Variants in APOBEC1 observed in about 807,000 individuals in gnomAD.
APOBEC1 encodes the protein apolipoprotein B mRNA editing enzyme catalytic subunit 1.
A neutral mutation model predicts 26.3 loss-of-function variants in APOBEC1; 22 were observed. The ratio of observed to expected loss-of-function variants is 0.84; its 90% CI spans 0.60 to 1.19. The LOEUF (loss-of-function observed/expected upper bound fraction) is 1.19. Ranked by LOEUF, APOBEC1 falls within the 50% of genes most tolerant of loss-of-function variation. The pLI, the probability that APOBEC1 is intolerant of heterozygous loss-of-function variation, is 0.00. For synonymous variants in APOBEC1, 77 were observed against 95.3 expected, an observed-to-expected ratio of 0.81 and a Z score of 1.12; for missense variants, 253 against 289.0, an observed-to-expected ratio of 0.88 and a Z score of 0.90.
chr12:7,667,194 G>A (rs968698661), upstream of APOBEC1, among the ~76,000 whole-genome samples: 6 of 152,066 alleles, frequency 3.9e-5, no homozygotes, highest in East Asian at 3.9e-4. Flanking sequence ...TTACAGGCGT[G>A]AGCCACCTCT....
intron 4 of APOBEC1, 100 bp downstream of exon 4, chr12:7,650,923 A>G: frequency 1.2e-6 from 1 of 828,880 alleles, no homozygotes; most frequent in South Asian, 1.6e-5. Flanking sequence ...ATCTCAATAT[A>G]AATGTCAAAA....
At chr12:7,663,477 G>A (rs529890809) in intron 1 of APOBEC1, among the ~76,000 whole-genome samples, 1 of 152,086 alleles carries the variant, frequency 6.6e-6, no homozygotes, top group Non-Finnish European at 1.5e-5. Context: ...AAGGAGGAAG[G>A]GGGTGGCTGG....
chr12:7,655,163 C>CG, intron 1 of APOBEC1, among the ~76,000 whole-genome samples: 2 of 151,936 alleles, frequency 1.3e-5, no homozygotes, highest in East Asian at 3.9e-4. Context: ...GAGCCAAGAT[C>CG]GCACCATTGC....
At position 7,652,527 on chromosome 12, in the gene APOBEC1, C is replaced by G; in HGVS notation, c.353G>C (p.Arg118Pro). The G allele has an allele frequency of 6.2e-7, 1 of 1,614,126 alleles. No individual in the cohort carries two copies. The highest frequency in any genetic ancestry group is 8.5e-7 in the Non-Finnish European group (1 of 1,180,016). ...TTGTTGATCCATGTGCCAAAAAAGC[C>G]GAGCTACGTAGATCACTAGAGTCAC... is the stretch of plus-strand genomic sequence containing the variant. The part of the protein sequence containing the change: ...PGVTLVIYVA[R>P]LFWHMDQQNR... Residue 118 changes from arginine (R) to proline (P), a missense_variant, in exon 3 of 5, where the codon CGG (arginine) becomes CCG (proline). By Grantham distance (103) the Arg-to-Pro change is moderately radical. Transcript: ENST00000229304.
At chr12:7,666,849 G>T (rs1412045748), upstream of APOBEC1, among the ~76,000 whole-genome samples, 2 of 151,906 alleles carry the variant, frequency 1.3e-5, no homozygotes, top group East Asian at 3.9e-4. Context: ...TTTGTGTACA[G>T]GTCTTTGGTG....
intron 1 of APOBEC1, among the ~76,000 whole-genome samples, chr12:7,655,241 T>A (rs1452427516): frequency 6.6e-6 from 1 of 151,928 alleles, no homozygotes; most frequent in African/African-American, 2.4e-5. Flanking sequence ...CCCGGTGTGG[T>A]GGCTCACGCC....
At chr12:7,667,207 C>T (rs1401624383), upstream of APOBEC1, among the ~76,000 whole-genome samples, 1 of 152,076 alleles carries the variant, frequency 6.6e-6, no homozygotes, top group Non-Finnish European at 1.5e-5. Flanking sequence ...CCACCTCTCC[C>T]AGCCACTTCT....
At chr12:7,665,796 C>A (rs1381545844) in intron 1 of APOBEC1, 61 bp downstream of exon 1, 4 of 1,321,528 alleles carry the variant, frequency 3.0e-6, no homozygotes, top group Non-Finnish European at 4.3e-6. Flanking sequence ...CACACACACA[C>A]ACACACACAC....
At chr12:7,655,136 G>A (rs1354413623) in intron 1 of APOBEC1, among the ~76,000 whole-genome samples, 1 of 152,114 alleles carries the variant, frequency 6.6e-6, no homozygotes, top group East Asian at 1.9e-4. Context: ...TTGAACCTGG[G>A]GAGAGGAGGT....
Position 7,652,828 on chromosome 12 carries a change from T to C in APOBEC1, c.52A>G (p.Ile18Val), listed in dbSNP as rs1565440016. 1 of 1,578,300 alleles carries C rather than the reference T, an allele frequency of 6.3e-7. No homozygotes were observed. The highest frequency in any genetic ancestry group is 8.6e-7 in the Non-Finnish European group (1 of 1,163,562). ...AAGACGTCAAACTCCCAGGGTTCGA[T>C]TCTTCTCCTGAAATACAAAAAGCAG... ...STGDPTLRRR[I>V]EPWEFDVFYD... The change falls in exon 3 of 5, where the codon ATC (isoleucine) becomes GTC (valine). Residue 18 changes from isoleucine (I) to valine (V), a missense_variant. Physicochemically the swap from Ile to Val is conservative, Grantham distance 29. Coordinates refer to ENST00000229304, the MANE Select transcript of APOBEC1 (RefSeq NM_001644.5).
At chr12:7,658,174 G>T (rs944791239) in intron 1 of APOBEC1, among the ~76,000 whole-genome samples, 1 of 152,002 alleles carries the variant, frequency 6.6e-6, no homozygotes, top group African/African-American at 2.4e-5. Flanking sequence ...AGTGATTCTC[G>T]TGCCTGAGCC....
chr12:7,652,784 A>C lies in APOBEC1; in HGVS notation c.96T>G (p.Leu32=), dbSNP rs768219565. 1.2e-6 allele frequency: 2 copies of C among 1,613,580 alleles called. No homozygotes were observed. The highest frequency in any genetic ancestry group is 2.2e-5 in the South Asian group (2 of 91,046). ...CGTAGAGCAGACAGGCCTCTTTACG[A>C]AGTTCTCTGGGGTCATAGAAGACGT... ...EFDVFYDPRE[L]RKEACLLYEI... The change falls in exon 3 of 5, where the codon CTT becomes CTG. Residue 32 remains leucine (L), a synonymous_variant. Coordinates refer to ENST00000229304, the MANE Select transcript of APOBEC1 (RefSeq NM_001644.5).
At chr12:7,659,752 G>C (rs1863777103) in intron 1 of APOBEC1, among the ~76,000 whole-genome samples, 1 of 151,940 alleles carries the variant, frequency 6.6e-6, no homozygotes, top group African/African-American at 2.4e-5. Context: ...GGCGGATCAT[G>C]AGGTCAGGAG....
intron 1 of APOBEC1, among the ~76,000 whole-genome samples, chr12:7,659,963 C>T (rs1863779958): frequency 1.3e-5 from 2 of 151,156 alleles, no homozygotes; most frequent in South Asian, 4.2e-4. Flanking sequence ...AGCGAGACTA[C>T]GTCTCAAAAA....
intron 1 of APOBEC1, among the ~76,000 whole-genome samples, chr12:7,658,529 A>G (rs772802325): frequency 2.6e-5 from 4 of 152,200 alleles, no homozygotes; most frequent in Non-Finnish European, 5.9e-5. Context: ...CAGAGGTGTC[A>G]CAGTGCCAGA....
intron 1 of APOBEC1, among the ~76,000 whole-genome samples, chr12:7,662,741 C>T (rs978651477): frequency 1.3e-5 from 2 of 152,154 alleles, no homozygotes; most frequent in Admixed American, 6.5e-5. Flanking sequence ...GACATGTGGA[C>T]GTCGGGGAAG....
intron 1 of APOBEC1, among the ~76,000 whole-genome samples, chr12:7,659,408 G>A (rs976609884): frequency 4.0e-4 from 50 of 125,578 alleles, no homozygotes; most frequent in Non-Finnish European, 7.5e-4. Flanking sequence ...AGGAACTACC[G>A]GCAACCTGGA....
intron 1 of APOBEC1, among the ~76,000 whole-genome samples, chr12:7,664,330 T>C (rs755490533): frequency 7.9e-5 from 12 of 152,202 alleles, no homozygotes; most frequent in Non-Finnish European, 1.3e-4. Flanking sequence ...TAAATGTGTC[T>C]AAAGCACTAT....
At chr12:7,650,604 T>C (rs905734105) in intron 4 of APOBEC1, among the ~76,000 whole-genome samples, 18 of 152,194 alleles carry the variant, frequency 1.2e-4, no homozygotes, top group Admixed American at 7.9e-4. Context: ...TGATACATAA[T>C]TTTCTTTTTT....
Sources: gnomAD v4.1 joint callset for allele counts (sites outside exome capture counted in the v4.1 genomes callset) on GRCh38, gnomAD v4.1.1 for gene constraint, MANE v1.5 for transcripts, NCBI Gene and HGNC (gene_info 2026-07-23, HGNC 2026-07-21) for gene names.